The following DELE1 variants were observed in gnomAD, a reference collection of about 807,000 sequenced individuals.
DELE1 encodes DAP3 binding cell death enhancer 1, also known as death ligand signal enhancer.
DELE1 carries 54 observed loss-of-function variants against 59.3 expected under a neutral mutation model. The observed-to-expected ratio is 0.91, with a 90% CI of 0.73 to 1.14. The LOEUF is 1.14. Among genes scored for constraint, DELE1 ranks in the 50% most tolerant of loss-of-function variants. DELE1 has a pLI of 0.00. For missense variants in DELE1, 636 were observed against 643.9 expected (o/e 0.99, Z 0.13); for synonymous variants, 264 against 259.1 (o/e 1.02, Z -0.18).
In DELE1 at chr5:141,933,919, C is replaced by A. The variant is rs558306773; in HGVS notation, c.898-321C>A. The A allele has an allele frequency of 6.8e-5, 13 of 190,582 alleles. No individual in the cohort carries two copies. The South Asian group carries it at 1.8e-3, about 26-fold the overall frequency. 11.8% of individuals were successfully genotyped at this position (190,582 alleles called of 1,614,324 possible). On this transcript the variant is annotated intron_variant, in intron 8 of 11. Coordinates refer to ENST00000432126, the MANE Select transcript of DELE1 (RefSeq NM_014773.5). ...TCTAAGTCTCTCTCTCTCTCTGCCCCCCCCCACACATATGTGCGTGCAAAT... is the reference window on the plus strand; with the variant it reads ...TCTAAGTCTCTCTCTCTCTCTGCCCACCCCCACACATATGTGCGTGCAAAT...
At chr5:141,935,131 G>C (rs1292434227) in intron 10 of DELE1, 2 of 154,718 alleles carry the variant, frequency 1.3e-5, no homozygotes, top group Non-Finnish European at 2.9e-5. Context: ...GACGCATCAA[G>C]TGGAGACAGT....
chr5:141,938,379 A>G, intron 11 of DELE1, 142 bp from the exon 12 acceptor site: 1 of 1,276,162 alleles, frequency 7.8e-7, no homozygotes, highest in South Asian at 1.5e-5. Flanking sequence ...CTAGGGCTCT[A>G]AGAGCCCTGC....
intron 1 of DELE1, 93 bp from the exon 2 acceptor site, chr5:141,924,488 A>C (rs1310977881): frequency 1.3e-6 from 1 of 756,248 alleles, no homozygotes; most frequent in East Asian, 2.5e-5. Context: ...AAAGATTCCC[A>C]TGTGTATCCA....
At position 141,941,051 on chromosome 5, in the gene DELE1, T is replaced by G; in HGVS notation, c.*2292T>G. The G allele has an allele frequency of 1.9e-5, 19 of 985,444 alleles. No homozygotes were observed. Among genetic ancestry groups the G allele is most frequent in the Non-Finnish European group, 2.3e-5 (19 of 829,934 alleles). The allele number at this position is 985,444 out of a possible 1,614,324, so 61.0% of individuals were successfully genotyped here. The stretch of plus-strand genomic sequence containing the variant: ...GCCCAGAGCCCGTTTCCCTACAGAT[T>G]GCTTTTGAGCCTTCCTGGGGCACCC... On this transcript the variant is annotated 3_prime_UTR_variant, in exon 12 of 12. Transcript: ENST00000432126.
At chr5:141,924,048 C>T in intron 1 of DELE1, 76 bp downstream of exon 1, 3 of 1,553,134 alleles carry the variant, frequency 1.9e-6, no homozygotes, top group Non-Finnish European at 1.8e-6. Flanking sequence ...CCCGAGGAAA[C>T]AGCCGAAGCG....
intron 4 of DELE1, among the ~76,000 whole-genome samples, 188 bp from the exon 5 acceptor site, chr5:141,929,394 A>G (rs1450644118): frequency 6.6e-6 from 1 of 152,168 alleles, no homozygotes; most frequent in Non-Finnish European, 1.5e-5. Flanking sequence ...GATTACAGGC[A>G]TGTGCCACTG....
In DELE1 at chr5:141,924,674, T is replaced by G; in HGVS notation, c.125T>G (p.Val42Gly). 6.2e-7 allele frequency: 1 copy of G among 1,613,004 alleles called. No individual in the cohort carries two copies. The highest frequency in any genetic ancestry group is 1.1e-5 in the South Asian group (1 of 91,062). ...GPQTTSSTLLVPVPNLDRSGP... is the reference protein window; with the variant it reads ...GPQTTSSTLLGPVPNLDRSGP... ...CAGACTACCTCCTCCACTTTGCTGG[T>G]TCCTGTGCCTAACCTCGACAGGTAA... The change falls in exon 2 of 12, where the codon GTT (valine) becomes GGT (glycine). Residue 42 changes from valine (V) to glycine (G), a missense_variant. Physicochemically the swap from Val to Gly is moderately radical, Grantham distance 109 (BLOSUM62 -3). Coordinates refer to ENST00000432126, the MANE Select transcript of DELE1 (RefSeq NM_014773.5).
chr5:141,930,031 A>C lies in DELE1; in HGVS notation c.614A>C (p.Glu205Ala), dbSNP rs753924025. 5 of 1,614,074 alleles carry C rather than the reference A, an allele frequency of 3.1e-6. No homozygotes were observed. The highest frequency in any genetic ancestry group is 1.7e-6 in the Non-Finnish European group (2 of 1,180,034). ...TTCCTGCATGCCAGTAGTAGCATCG[A>C]GTCCGAGGCAAAACCAGCCCAGCCT... ...FGFLHASSSI[E>A]SEAKPAQPQP... Residue 205 changes from glutamate (E) to alanine (A), a missense_variant, in exon 6 of 12, where the codon GAG becomes GCG. Transcript: ENST00000432126.
intron 10 of DELE1, 64 bp downstream of exon 10, chr5:141,934,650 C>G (rs1752219682): frequency 6.8e-7 from 1 of 1,475,312 alleles, no homozygotes; most frequent in African/African-American, 1.4e-5. Context: ...GATTTTGGAA[C>G]TGGTACTGAG....
chr5:141,931,686 C>T (rs1751925094), intron 7 of DELE1, among the ~76,000 whole-genome samples: 1 of 152,152 alleles, frequency 6.6e-6, no homozygotes, highest in African/African-American at 2.4e-5. Context: ...GGATCCTTTG[C>T]ACTCTTGAGT....
At chr5:141,933,094 CAAAAAAA>C (rs56720043) in intron 7 of DELE1, among the ~76,000 whole-genome samples, 158 bp from the exon 8 acceptor site, 5,342 of 100,968 alleles carry the variant, frequency 0.053, 435 homozygotes, top group African/African-American at 0.19. Context: ...GACTCCATCT[CAAAAAAA>C]AAAAAAAAAA....
chr5:141,934,889 G>A, intron 10 of DELE1: 1 of 395,262 alleles, frequency 2.5e-6, no homozygotes, highest in Non-Finnish European at 4.6e-6. Context: ...TCGAGAGCCA[G>A]TTGTTCAACA....
chr5:141,926,907 A>G (rs930910764), intron 3 of DELE1, among the ~76,000 whole-genome samples: 1 of 152,230 alleles, frequency 6.6e-6, no homozygotes, highest in African/African-American at 2.4e-5. Context: ...TCTGCACGCA[A>G]GCTGTCCTCA....
chr5:141,941,483 T>C lies in DELE1; in HGVS notation c.*2724T>C, dbSNP rs1290938597. On this transcript the variant is annotated 3_prime_UTR_variant, in exon 12 of 12. Transcript: ENST00000432126. ...CCAGCCCCAGGGGGATGGGCTTCAC[T>C]GGCAGAGCTGGGTACTGCTGTGCTT... The C allele has an allele frequency of 1.0e-6, 1 of 985,372 alleles. No individual in the cohort carries two copies. Among genetic ancestry groups the C allele is most frequent in the East Asian group, 1.1e-4 (1 of 8,826 alleles). 61.0% of individuals were successfully genotyped at this position (985,372 alleles called of 1,614,324 possible).
chr5:141,929,472 A>G, intron 4 of DELE1, 110 bp from the exon 5 acceptor site: 4 of 1,162,828 alleles, frequency 3.4e-6, no homozygotes, highest in South Asian at 1.5e-5. Flanking sequence ...CTGGTCTTGA[A>G]CTCCTGACCT....
chr5:141,938,598 C>T lies in DELE1; in HGVS notation c.1387C>T (p.Leu463=). The T allele has an allele frequency of 6.2e-7, 1 of 1,614,098 alleles. No homozygotes were observed. Residue 463 remains leucine, a synonymous_variant, in exon 12 of 12, where the codon CTA becomes TTA. Coordinates refer to ENST00000432126, the MANE Select transcript of DELE1 (RefSeq NM_014773.5). ...CTCCCTCTGCAGCTTGAACACCCTG[C>T]TAGCAGGAACCTCACGCCTACCACA... ...SPSLCSLNTL[L]AGTSRLPHAS...
chr5:141,930,735 T>A (rs1751839490), intron 7 of DELE1, among the ~76,000 whole-genome samples: 1 of 152,182 alleles, frequency 6.6e-6, no homozygotes, highest in Non-Finnish European at 1.5e-5. Flanking sequence ...TTGGAGCAGA[T>A]CCTCGATGTG....
chr5:141,925,496 C>T lies in DELE1; in HGVS notation c.233C>T (p.Ser78Phe). The T allele has an allele frequency of 2.5e-6, 4 of 1,602,718 alleles. No individual in the cohort carries two copies. The highest frequency in any genetic ancestry group is 3.4e-6 in the Non-Finnish European group (4 of 1,174,780). ...DAFQWMSSRV[S>F]PNTLWDAISW... ...TTCCAATGGATGTCTTCCCGTGTCT[C>T]CCCGAACACCCTATGGGATGCCATA... The change falls in exon 3 of 12, where the codon TCC (serine) becomes TTC (phenylalanine). Residue 78 changes from serine (S) to phenylalanine (F), a missense_variant. Transcript: ENST00000432126.
At chr5:141,937,123 C>T in intron 10 of DELE1, 75 bp from the exon 11 acceptor site, 1 of 1,588,528 alleles carries the variant, frequency 6.3e-7, no homozygotes, top group South Asian at 1.1e-5. Context: ...CTGACTTCAT[C>T]TTCCTCCTCC....
Sources: gnomAD v4.1 joint callset for allele counts (sites outside exome capture counted in the v4.1 genomes callset) on GRCh38, gnomAD v4.1.1 for gene constraint, MANE v1.5 for transcripts, NCBI Gene and HGNC (gene_info 2026-07-23, HGNC 2026-07-21) for gene names.